Variants in AGGF1 observed in about 807,000 individuals in gnomAD.
AGGF1 encodes the protein angiogenic factor with G patch and FHA domains 1.
A neutral mutation model predicts 86.5 loss-of-function variants in AGGF1; 56 were observed. The ratio of observed to expected loss-of-function variants is 0.65; its 90% CI spans 0.52 to 0.81. The LOEUF (loss-of-function observed/expected upper bound fraction) is 0.81. Among genes scored for constraint, AGGF1 ranks in the 30% least tolerant of loss-of-function variants. AGGF1 has a pLI of 0.00. For synonymous variants in AGGF1, 313 were observed against 297.1 expected, an observed-to-expected ratio of 1.05 and a Z score of -0.55; for missense variants, 816 against 850.9, an observed-to-expected ratio of 0.96 and a Z score of 0.51.
At chr5:77,053,782 T>C (rs749691638) in intron 9 of AGGF1, among the ~76,000 whole-genome samples, 183 bp from the exon 10 acceptor site, 18 of 152,212 alleles carry the variant, frequency 1.2e-4, no homozygotes, top group Non-Finnish European at 2.1e-4. Context: ...CCAATAGTAG[T>C]ACTTTTTTTA....
chr5:77,042,982 A>G (rs867032266), intron 5 of AGGF1, among the ~76,000 whole-genome samples: 92 of 43,010 alleles, frequency 2.1e-3, no homozygotes, highest in African/African-American at 7.8e-3. Flanking sequence ...TCCCTCCCGG[A>G]CGGGGCGGCT....
intron 3 of AGGF1, 23 bp downstream of exon 3, chr5:77,035,766 A>G: frequency 6.3e-7 from 1 of 1,592,148 alleles, no homozygotes; most frequent in South Asian, 1.1e-5. Context: ...TAAACATGAA[A>G]CTGTTGATGC....
intron 8 of AGGF1, among the ~76,000 whole-genome samples, chr5:77,050,446 GCTAGCA>G (rs1747352666): frequency 6.6e-6 from 1 of 151,090 alleles, no homozygotes; most frequent in African/African-American, 2.4e-5. Context: ...TTCCTGAGTA[GCTAGCA>G]CTATAGGCAC....
chr5:77,042,103 A>T (rs1014211197), intron 5 of AGGF1, among the ~76,000 whole-genome samples: 1 of 151,756 alleles, frequency 6.6e-6, no homozygotes, highest in Non-Finnish European at 1.5e-5. Flanking sequence ...GACACAGCAC[A>T]TGTTTCAGAG....
chr5:77,057,321 G>C (rs908133812), intron 11 of AGGF1, among the ~76,000 whole-genome samples: 1 of 150,518 alleles, frequency 6.6e-6, no homozygotes, highest in African/African-American at 2.4e-5. Flanking sequence ...TTTTTTTTTT[G>C]AATAACCAAA....
chr5:77,031,631 C>G (rs949938613), intron 1 of AGGF1, among the ~76,000 whole-genome samples: 1 of 152,176 alleles, frequency 6.6e-6, no homozygotes, highest in Non-Finnish European at 1.5e-5. Context: ...CGGTAGCTCA[C>G]GCCTGTAATC....
chr5:77,052,680 A>G, intron 8 of AGGF1, 26 bp from the exon 9 acceptor site: 1 of 1,523,456 alleles, frequency 6.6e-7, no homozygotes, highest in Non-Finnish European at 9.1e-7. Flanking sequence ...ATAATAATTA[A>G]TAATTGCTTG....
chr5:77,035,742 A>G lies in AGGF1; in HGVS notation c.515A>G (p.Gln172Arg). The G allele has an allele frequency of 6.2e-7, 1 of 1,611,858 alleles. No homozygotes were observed. The highest frequency in any genetic ancestry group is 8.5e-7 in the Non-Finnish European group (1 of 1,178,114). The change falls in exon 3 of 14, where the codon CAG becomes CGG. Residue 172 changes from glutamine (Q) to arginine (R), a missense_variant and splice_region_variant. Transcript: ENST00000312916. ...RQVDHFASNS[Q>R]EPASALATED... ...GTGGACCATTTTGCCTCAAATTCAC[A>G]GGTAATAAAATGCTAAACATGAAAC...
chr5:77,036,545 A>G lies in AGGF1; in HGVS notation c.517-11A>G. The G allele has an allele frequency of 6.2e-7, 1 of 1,613,974 alleles. No individual in the cohort carries two copies. The highest frequency in any genetic ancestry group is 8.5e-7 in the Non-Finnish European group (1 of 1,179,892). ...CTTTTGTCTTATTTGGCATGACTAT[A>G]TCTTTTATAGGAGCCAGCATCTGCA... On this transcript the variant is annotated splice_polypyrimidine_tract_variant and intron_variant, in intron 3 of 13. Coordinates refer to ENST00000312916, the MANE Select transcript of AGGF1 (RefSeq NM_018046.5).
At position 77,031,058 on chromosome 5, in the gene AGGF1, TG is replaced by T. The variant is rs902835209; in HGVS notation, c.210+84del. ...CCGTGATAGCCTCGGAAGGGGTCCC[TG>T]GCAGGGGCTCAGAACTACTGTAGAG... On this transcript the variant is annotated intron_variant, in intron 1 of 13. Coordinates refer to ENST00000312916, the MANE Select transcript of AGGF1 (RefSeq NM_018046.5). The T allele has an allele frequency of 1.1e-5, 16 of 1,457,808 alleles. No homozygotes were observed. The African/African-American group carries it at 1.3e-4, about 11-fold the overall frequency. 90.3% of individuals were successfully genotyped at this position (1,457,808 alleles called of 1,614,324 possible).
At chr5:77,046,219 A>T in intron 5 of AGGF1, 128 bp from the exon 6 acceptor site, 1 of 850,684 alleles carries the variant, frequency 1.2e-6, no homozygotes, top group Middle Eastern at 3.4e-4. Context: ...GGGGGAACAG[A>T]TTGTAACCAT....
At chr5:77,037,687 C>T (rs1053799969) in intron 4 of AGGF1, among the ~76,000 whole-genome samples, 2 of 152,058 alleles carry the variant, frequency 1.3e-5, no homozygotes, top group African/African-American at 4.8e-5. Flanking sequence ...GATGTGGGAG[C>T]GTCGCTTGAG....
intron 11 of AGGF1, among the ~76,000 whole-genome samples, chr5:77,057,883 G>T (rs1268327730): frequency 1.3e-5 from 2 of 152,244 alleles, no homozygotes; most frequent in African/African-American, 4.8e-5. Flanking sequence ...ACCTCAGGAT[G>T]TTGCATTCCC....
At chr5:77,048,023 A>G in intron 6 of AGGF1, 138 bp from the exon 7 acceptor site, 1 of 690,002 alleles carries the variant, frequency 1.4e-6, no homozygotes. Flanking sequence ...TATACAGCAG[A>G]ATTTAAGAAG....
intron 5 of AGGF1, among the ~76,000 whole-genome samples, chr5:77,041,841 T>C (rs1161530637): frequency 6.7e-6 from 1 of 148,440 alleles, no homozygotes; most frequent in Admixed American, 6.7e-5. Context: ...TATTGATAAT[T>C]CTTGGGTGTT....
At chr5:77,055,784 T>G (rs1307957026) in intron 11 of AGGF1, among the ~76,000 whole-genome samples, 188 bp downstream of exon 11, 1 of 152,236 alleles carries the variant, frequency 6.6e-6, no homozygotes, top group African/African-American at 2.4e-5. Flanking sequence ...AAAATGATAA[T>G]AGCCTACATT....
chr5:77,041,780 A>C (rs6888855), intron 5 of AGGF1, among the ~76,000 whole-genome samples: 29,367 of 118,452 alleles, frequency 0.25, 4,023 homozygotes, highest in Non-Finnish European at 0.31. Context: ...CAAGACAAGA[A>C]CTTTTTTTAT....
At chr5:77,044,859 TC>T (rs1361901852) in intron 5 of AGGF1, among the ~76,000 whole-genome samples, 1 of 152,098 alleles carries the variant, frequency 6.6e-6, no homozygotes, top group Non-Finnish European at 1.5e-5. Flanking sequence ...GGTCAAGAGA[TC>T]GAGACCAGTC....
intron 5 of AGGF1, among the ~76,000 whole-genome samples, chr5:77,043,107 A>G (rs866449970): frequency 2.2e-4 from 7 of 31,580 alleles, no homozygotes; most frequent in Non-Finnish European, 4.5e-4. Context: ...CTCACCTCCC[A>G]GACGGGGCGG....
Sources: allele counts gnomAD v4.1 joint callset (sites outside exome capture counted in the v4.1 genomes callset), GRCh38; gene constraint gnomAD v4.1.1; transcripts MANE v1.5; gene names NCBI Gene and HGNC (gene_info 2026-07-23, HGNC 2026-07-21).